Variants in MARCHF1 observed in about 807,000 individuals in gnomAD.
The protein encoded by MARCHF1 is membrane associated ring-CH-type finger 1, also known as E3 ubiquitin-protein ligase MARCHF1.
MARCHF1 carries 40 observed loss-of-function variants against 54.2 expected under a neutral mutation model. The observed-to-expected ratio is 0.74, with a 90% confidence interval of 0.57 to 0.96. MARCHF1 has a LOEUF of 0.96. MARCHF1 is among the 40% of genes least tolerant of loss of function. The pLI is 0.00. For synonymous variants in MARCHF1, 236 were observed against 236.3 expected, an observed-to-expected ratio of 1.00 and a Z score of 0.01; for missense variants, 586 against 656.5, an observed-to-expected ratio of 0.89 and a Z score of 1.17.
rs375630095 is a variant in MARCHF1, at chr4:163,920,663, C to T, written c.-38-66494G>A. Among the ~76,000 whole-genome samples, 53 of 152,258 alleles carry T rather than the reference C, an allele frequency of 3.5e-4. 1 individual carries two copies. In the South Asian group the frequency reaches 0.01, roughly 30 times the overall value. On this transcript the variant is annotated intron_variant, in intron 3 of 9. Coordinates refer to ENST00000514618, the MANE Select transcript of MARCHF1 (RefSeq NM_001394959.1). ...CTGGGATCCTGCCCTCTGAGCTCAA[C>T]CTGCATTCCCTGCCCCCACAGGATG...
At chr4:164,218,651 G>A (rs769156373) in intron 1 of MARCHF1, among the ~76,000 whole-genome samples, 1 of 146,590 alleles carries the variant, frequency 6.8e-6, no homozygotes, top group Non-Finnish European at 1.5e-5. Flanking sequence ...ATTGAACAAT[G>A]GAAACACATG....
At chr4:164,274,678 T>C (rs1191328815) in intron 1 of MARCHF1, among the ~76,000 whole-genome samples, 6 of 124,674 alleles carry the variant, frequency 4.8e-5, no homozygotes, top group Non-Finnish European at 8.5e-5. Flanking sequence ...TTTTTTTTTT[T>C]TTTTTTTTTT....
chr4:164,266,194 G>T (rs1733606916), intron 1 of MARCHF1, among the ~76,000 whole-genome samples: 1 of 152,108 alleles, frequency 6.6e-6, no homozygotes, highest in Non-Finnish European at 1.5e-5. Context: ...ATTTACAAGG[G>T]ATACAATTTC....
intron 1 of MARCHF1, among the ~76,000 whole-genome samples, chr4:164,269,326 C>A (rs1047227842): frequency 1.3e-5 from 2 of 152,042 alleles, no homozygotes; most frequent in African/African-American, 4.8e-5. Context: ...CTCAAGACTG[C>A]AGCATTTCAG....
chr4:163,977,008 C>T lies in MARCHF1; in HGVS notation c.-39+11493G>A, dbSNP rs1752661525. Among the ~76,000 whole-genome samples the T allele has an allele frequency of 2.6e-5, 4 of 152,096 alleles. No homozygotes were observed. In the South Asian group the frequency reaches 8.3e-4, roughly 32 times the overall value. ...CATTAAGTTTTGGGGCAATTTATTA[C>T]ACAGAAATAGCAACTGAAATACCAT... On this transcript the variant is annotated intron_variant, in intron 3 of 9. Coordinates refer to ENST00000514618, the MANE Select transcript of MARCHF1 (RefSeq NM_001394959.1).
At chr4:163,616,212 A>T (rs1741504145) in intron 5 of MARCHF1, among the ~76,000 whole-genome samples, 2 of 152,160 alleles carry the variant, frequency 1.3e-5, no homozygotes, top group African/African-American at 4.8e-5. Flanking sequence ...AACAAAATAG[A>T]CAAATGAGAC....
chr4:163,787,884 T>C (rs1359205542), intron 4 of MARCHF1, among the ~76,000 whole-genome samples: 1 of 151,930 alleles, frequency 6.6e-6, no homozygotes, highest in Non-Finnish European at 1.5e-5. Context: ...CAATGGGATA[T>C]TATACAACCT....
rs778311799 is a variant in MARCHF1 at position 163,874,253 on chromosome 4, GC to G, written c.-38-20085del. Among the ~76,000 whole-genome samples the G allele has an allele frequency of 2.0e-5, 3 of 152,158 alleles. No homozygotes were observed. The East Asian group carries it at 5.8e-4, about 29-fold the overall frequency. The stretch of plus-strand genomic sequence containing the variant: ...TTGTTGGATTATTAGAGATGTTTGG[GC>G]AGCCACGTGGCGGAAGTACACTCAG... On this transcript the variant is annotated intron_variant, in intron 3 of 9. Coordinates refer to ENST00000514618, the MANE Select transcript of MARCHF1 (RefSeq NM_001394959.1).
intron 1 of MARCHF1, among the ~76,000 whole-genome samples, chr4:164,254,200 TGC>T (rs1733203317): frequency 6.6e-6 from 1 of 151,902 alleles, no homozygotes; most frequent in Admixed American, 6.6e-5. Flanking sequence ...TACAGGTGTG[TGC>T]CACCATGCCT....
intron 4 of MARCHF1, among the ~76,000 whole-genome samples, chr4:163,785,785 C>A (rs1747600985): frequency 6.6e-6 from 1 of 151,874 alleles, no homozygotes; most frequent in Non-Finnish European, 1.5e-5. Flanking sequence ...AAAATGTCCA[C>A]ATCCAAATTC....
At chr4:163,580,448 A>C (rs1740191850) in intron 8 of MARCHF1, among the ~76,000 whole-genome samples, 1 of 152,192 alleles carries the variant, frequency 6.6e-6, no homozygotes, top group African/African-American at 2.4e-5. Flanking sequence ...AGGAGTAGCT[A>C]CATTAAATGT....
At chr4:163,697,259 CT>C (rs1744664547) in intron 5 of MARCHF1, among the ~76,000 whole-genome samples, 1 of 152,120 alleles carries the variant, frequency 6.6e-6, no homozygotes, top group Admixed American at 6.5e-5. Flanking sequence ...AAGGCATGTG[CT>C]TAGGATAGCT....
chr4:164,163,999 T>C (rs1217858864), intron 1 of MARCHF1, among the ~76,000 whole-genome samples: 3 of 151,624 alleles, frequency 2.0e-5, no homozygotes, highest in Admixed American at 6.6e-5. Flanking sequence ...AAGAAGAAAG[T>C]CAAAAGGGAA....
intron 4 of MARCHF1, among the ~76,000 whole-genome samples, chr4:163,793,498 C>T (rs1406362309): frequency 1.3e-5 from 2 of 152,178 alleles, no homozygotes; most frequent in East Asian, 1.9e-4. Context: ...ATTACATTTT[C>T]GTGATAGATT....
At chr4:164,079,006 G>A (rs1264743482) in intron 2 of MARCHF1, among the ~76,000 whole-genome samples, 2 of 151,956 alleles carry the variant, frequency 1.3e-5, no homozygotes, top group Non-Finnish European at 2.9e-5. Context: ...GATGGTAAAG[G>A]GAATCTCATT....
At chr4:163,811,050 A>C (rs1182508536) in intron 4 of MARCHF1, among the ~76,000 whole-genome samples, 1 of 152,124 alleles carries the variant, frequency 6.6e-6, no homozygotes, top group Non-Finnish European at 1.5e-5. Flanking sequence ...CATAATGGAA[A>C]CCTGTCAGTT....
rs1738145769 is a variant in MARCHF1, at chr4:163,527,279, TATCAC to T, written c.*1464_*1468del. ...TGTCAAACCTAAACGATTAATTACTTATCACAGAATCTGTTGAATATTTTTGTTTT... is the reference window on the plus strand; with the variant it reads ...TGTCAAACCTAAACGATTAATTACTTAGAATCTGTTGAATATTTTTGTTTT... On this transcript the variant is annotated 3_prime_UTR_variant, in exon 10 of 10. Transcript: ENST00000514618. The T allele has an allele frequency of 2.0e-5, 3 of 152,048 alleles. No individual in the cohort carries two copies. Among genetic ancestry groups the T allele is most frequent in the Admixed American group, 1.3e-4 (2 of 15,246 alleles). The allele number at this position is 152,048 out of a possible 1,614,324, so 9.4% of individuals were successfully genotyped here. A position where few individuals can be genotyped will look rare whatever the true frequency, so the allele number is the denominator to read the frequency against.
intron 3 of MARCHF1, among the ~76,000 whole-genome samples, chr4:163,871,868 ATTTG>A (rs1472229835): frequency 6.6e-6 from 1 of 152,152 alleles, no homozygotes; most frequent in Non-Finnish European, 1.5e-5. Context: ...TGCCAAGAAA[ATTTG>A]TTTTAGATTT....
intron 2 of MARCHF1, among the ~76,000 whole-genome samples, chr4:164,042,943 A>C (rs940984247): frequency 2.6e-5 from 4 of 152,166 alleles, no homozygotes; most frequent in African/African-American, 9.6e-5. Context: ...TCTCGACTGT[A>C]TTTCTCACAT....
Sources: allele counts gnomAD v4.1 joint callset (sites outside exome capture counted in the v4.1 genomes callset), GRCh38; gene constraint gnomAD v4.1.1; transcripts MANE v1.5; gene names NCBI Gene and HGNC (gene_info 2026-07-23, HGNC 2026-07-21).